FAM204A: variants seen among roughly 807,000 people sequenced by gnomAD.
FAM204A encodes the protein family with sequence similarity 204 member A.
In FAM204A, 16 loss-of-function variants were observed where a neutral mutation model predicts 35.4. The ratio of observed to expected loss-of-function variants is 0.45; its 90% confidence interval spans 0.31 to 0.69. The LOEUF (loss-of-function observed/expected upper bound fraction) is 0.69, where lower values mean the gene tolerates loss of function less well. Ranked by LOEUF, FAM204A falls within the 30% of genes least tolerant of loss-of-function variation. The probability of loss-of-function intolerance (pLI) is 0.07; values close to 1 mark genes in which losing one functional copy is unlikely to be tolerated. For synonymous variants in FAM204A, 76 were observed against 86.9 expected (o/e 0.88, Z 0.70); for missense variants, 240 against 265.7 (o/e 0.90, Z 0.67).
chr10:118,315,367 T>C (rs1203909079), intron 7 of FAM204A, among the ~76,000 whole-genome samples: 1 of 152,162 alleles, frequency 6.6e-6, no homozygotes, highest in Non-Finnish European at 1.5e-5. Context: ...TAACTGTAAA[T>C]TTCTTATCCG....
At chr10:118,318,383 T>C (rs1053542798) in intron 7 of FAM204A, among the ~76,000 whole-genome samples, 1 of 152,026 alleles carries the variant, frequency 6.6e-6, no homozygotes, top group Non-Finnish European at 1.5e-5. Context: ...TCCCTGATAC[T>C]AGCAATGAAG....
At position 118,303,796 on chromosome 10, in the gene FAM204A, G is replaced by C. The variant is rs1438088425; in HGVS notation, c.*7061C>G. On this transcript the variant is annotated 3_prime_UTR_variant, in exon 9 of 9. Coordinates refer to ENST00000369183, the MANE Select transcript of FAM204A (RefSeq NM_022063.3). ...CACTGCACTCTAGCCTGGCGACAGA[G>C]CAAGACTCCGTCTCAAAAAGAAAAA... The C allele has an allele frequency of 2.8e-5, 4 of 144,862 alleles. No individual in the cohort carries two copies. Among genetic ancestry groups the C allele is most frequent in the African/African-American group, 7.4e-5 (3 of 40,804 alleles). 9.0% of individuals were successfully genotyped at this position (144,862 alleles called of 1,614,324 possible). A position where few individuals can be genotyped will look rare whatever the true frequency, so the allele number is the denominator to read the frequency against.
intron 2 of FAM204A, among the ~76,000 whole-genome samples, chr10:118,341,156 T>C (rs1846473669): frequency 6.6e-6 from 1 of 152,238 alleles, no homozygotes; most frequent in Non-Finnish European, 1.5e-5. Context: ...CAGCTGCTTA[T>C]AATCAAAACC....
chr10:118,337,414 T>TA (rs761404704), intron 2 of FAM204A, among the ~76,000 whole-genome samples: 5 of 152,158 alleles, frequency 3.3e-5, no homozygotes, highest in Admixed American at 6.5e-5. Context: ...TTAACCTAGT[T>TA]AAAAAACAAA....
intron 6 of FAM204A, among the ~76,000 whole-genome samples, chr10:118,331,294 G>A (rs1298675225): frequency 2.0e-5 from 3 of 152,130 alleles, no homozygotes; most frequent in Non-Finnish European, 4.4e-5. Context: ...GCACAGAGGA[G>A]CTACTGATAG....
At chr10:118,315,988 A>C (rs1167290894) in intron 7 of FAM204A, among the ~76,000 whole-genome samples, 1 of 152,162 alleles carries the variant, frequency 6.6e-6, no homozygotes, top group African/African-American at 2.4e-5. Context: ...TCATCTTTTT[A>C]GTAATATGAC....
intron 7 of FAM204A, chr10:118,322,157 T>C (rs1846128150): frequency 4.8e-6 from 1 of 208,454 alleles, no homozygotes; most frequent in South Asian, 6.7e-5. Context: ...AGCAAGAAAA[T>C]CAGCAGTGGA....
At chr10:118,313,398 T>C (rs1408238548) in intron 7 of FAM204A, among the ~76,000 whole-genome samples, 4 of 152,172 alleles carry the variant, frequency 2.6e-5, no homozygotes, top group Non-Finnish European at 5.9e-5. Context: ...AGTTCGGCAG[T>C]GACACAAATC....
In FAM204A at chr10:118,298,368, G is replaced by A. The variant is rs1845772207; in HGVS notation, c.*12489C>T. The A allele has an allele frequency of 6.6e-6, 1 of 152,228 alleles. No individual in the cohort carries two copies. Among genetic ancestry groups the A allele is most frequent in the African/African-American group, 2.4e-5 (1 of 41,460 alleles). The allele number at this position is 152,228 out of a possible 1,614,324, so 9.4% of individuals were successfully genotyped here. A position where few individuals can be genotyped will look rare whatever the true frequency, so the allele number is the denominator to read the frequency against. On this transcript the variant is annotated 3_prime_UTR_variant, in exon 9 of 9. Coordinates refer to ENST00000369183, the MANE Select transcript of FAM204A (RefSeq NM_022063.3). ...ACCTCAGTGTCCTCTTGTTGTAAAA[G>A]TCATTAGGTATGTTTAAAATCCGAA...
chr10:118,335,861 A>C lies in FAM204A; in HGVS notation c.235-220T>G, dbSNP rs112297893. Among the ~76,000 whole-genome samples, 53 of 152,296 alleles carry C rather than the reference A, an allele frequency of 3.5e-4. 1 individual carries two copies. Among genetic ancestry groups the C allele is most frequent in the African/African-American group, 1.2e-3 (49 of 41,560 alleles). Reference sequence around the variant, plus strand: ...AAGTCATTTGATAATTTGAGAGTGAAGCTCATGTAGGTAACAAAAAAGATA... The same window carrying C: ...AAGTCATTTGATAATTTGAGAGTGACGCTCATGTAGGTAACAAAAAAGATA... On this transcript the variant is annotated intron_variant, in intron 3 of 8. Coordinates refer to ENST00000369183, the MANE Select transcript of FAM204A (RefSeq NM_022063.3).
chr10:118,311,514 C>G (rs1412429390), intron 7 of FAM204A: 3 of 464,888 alleles, frequency 6.5e-6, no homozygotes, highest in Non-Finnish European at 1.1e-5. Context: ...GACCCTTTAC[C>G]CTAGTTATAC....
intron 6 of FAM204A, among the ~76,000 whole-genome samples, chr10:118,327,365 C>T (rs1052514713): frequency 2.6e-5 from 4 of 152,226 alleles, no homozygotes; most frequent in Admixed American, 2.0e-4. Flanking sequence ...GACGCTGTCA[C>T]TGATGTCTGT....
intron 6 of FAM204A, among the ~76,000 whole-genome samples, chr10:118,331,713 T>C (rs919009606): frequency 1.3e-5 from 2 of 151,996 alleles, no homozygotes; most frequent in Non-Finnish European, 2.9e-5. Context: ...CCATTGAAGT[T>C]TGCATTACTG....
chr10:118,315,398 A>G (rs551265740), intron 7 of FAM204A, among the ~76,000 whole-genome samples: 1 of 152,314 alleles, frequency 6.6e-6, no homozygotes, highest in South Asian at 2.1e-4. Flanking sequence ...AATTTTACTC[A>G]TCTCAAAATT....
In FAM204A at chr10:118,299,097, TG is replaced by T. The variant is rs767298853; in HGVS notation, c.*11759del. 6.6e-6 allele frequency: 1 copy of T among 152,212 alleles called. No individual in the cohort carries two copies. The highest frequency in any genetic ancestry group is 1.5e-5 in the Non-Finnish European group (1 of 68,070). The allele number at this position is 152,212 out of a possible 1,614,324, so 9.4% of individuals were successfully genotyped here. ...CTGGGCCCACATCATTTTCTTGTCT[TG>T]GGCAGCAGATCATTCCTTTTTCAGC... On this transcript the variant is annotated 3_prime_UTR_variant, in exon 9 of 9. Coordinates refer to ENST00000369183, the MANE Select transcript of FAM204A (RefSeq NM_022063.3).
Position 118,300,987 on chromosome 10 carries a change from T to C in FAM204A, c.*9870A>G, listed in dbSNP as rs1007313389. 2.6e-5 allele frequency: 4 copies of C among 152,138 alleles called. No individual in the cohort carries two copies. Among genetic ancestry groups the C allele is most frequent in the African/African-American group, 7.2e-5 (3 of 41,418 alleles). 9.4% of individuals were successfully genotyped at this position (152,138 alleles called of 1,614,324 possible). ...ATTATTAACAACAGCACTTTACAAA[T>C]AGAAATTTGTTGAGGCTCAGAGTTG... On this transcript the variant is annotated 3_prime_UTR_variant, in exon 9 of 9. Coordinates refer to ENST00000369183, the MANE Select transcript of FAM204A (RefSeq NM_022063.3).
At chr10:118,335,251 T>C (rs1355332758) in intron 5 of FAM204A, 38 bp from the exon 6 acceptor site, 5 of 1,575,620 alleles carry the variant, frequency 3.2e-6, no homozygotes, top group African/African-American at 2.7e-5. Flanking sequence ...ATACAATATA[T>C]ACTGTCTTTA....
chr10:118,340,803 C>G (rs942986821), intron 2 of FAM204A, among the ~76,000 whole-genome samples: 7 of 152,194 alleles, frequency 4.6e-5, no homozygotes, highest in Non-Finnish European at 1.0e-4. Context: ...CTAGGAATTA[C>G]TATCTATATC....
chr10:118,336,432 A>G lies in FAM204A; in HGVS notation c.-8-9T>C. Reference sequence around the variant, plus strand: ...ACTCCACATCTTTTCTTCTATGAGGAAAAAGATTAATTTACACATGTAGAA... The same window carrying G: ...ACTCCACATCTTTTCTTCTATGAGGGAAAAGATTAATTTACACATGTAGAA... On this transcript the variant is annotated splice_polypyrimidine_tract_variant and intron_variant, in intron 2 of 8. Transcript: ENST00000369183. 1.3e-6 allele frequency: 2 copies of G among 1,595,114 alleles called. No individual in the cohort carries two copies. The highest frequency in any genetic ancestry group is 1.7e-6 in the Non-Finnish European group (2 of 1,171,970).
Sources: gnomAD v4.1 joint callset for allele counts (sites outside exome capture counted in the v4.1 genomes callset) on GRCh38, gnomAD v4.1.1 for gene constraint, MANE v1.5 for transcripts, NCBI Gene and HGNC (gene_info 2026-07-23, HGNC 2026-07-21) for gene names.